The following ME1 variants were observed in gnomAD, a reference collection of about 807,000 sequenced individuals.
ME1 encodes malic enzyme 1, also known as NADP-dependent malic enzyme.
Under a neutral mutation model 66.4 loss-of-function variants are expected in ME1, and 74 were observed. The ratio of observed to expected loss-of-function variants is 1.11; its 90% CI spans 0.92 to 1.35. The LOEUF (loss-of-function observed/expected upper bound fraction) is 1.35. Ranked by LOEUF, ME1 falls within the 40% of genes most tolerant of loss-of-function variation. ME1 has a pLI of 0.00. For synonymous variants in ME1, 251 were observed against 235.6 expected (o/e 1.07, Z -0.60); for missense variants, 750 against 694.1 (o/e 1.08, Z -0.90).
At chr6:83,288,195 T>C (rs996050456) in intron 6 of ME1, among the ~76,000 whole-genome samples, 3 of 152,184 alleles carry the variant, frequency 2.0e-5, no homozygotes, top group African/African-American at 4.8e-5. Flanking sequence ...TTTGTTACCA[T>C]TGCTTTTGGT....
At chr6:83,294,782 A>G (rs939815546) in intron 6 of ME1, among the ~76,000 whole-genome samples, 2 of 152,078 alleles carry the variant, frequency 1.3e-5, no homozygotes, top group African/African-American at 4.8e-5. Context: ...CTGCTCCTCA[A>G]TAGGCAGTGC....
intron 6 of ME1, among the ~76,000 whole-genome samples, chr6:83,301,007 G>A (rs557539879): frequency 3.3e-5 from 5 of 152,042 alleles, no homozygotes; most frequent in Non-Finnish European, 4.4e-5. Flanking sequence ...AAGAACACTT[G>A]GACACAGGAA....
At chr6:83,253,769 G>GC in intron 6 of ME1, 31 bp from the exon 7 acceptor site, 1 of 1,089,798 alleles carries the variant, frequency 9.2e-7, no homozygotes, top group Non-Finnish European at 1.4e-6. Flanking sequence ...TATTAGAAGA[G>GC]GTTAATAAAA....
intron 5 of ME1, among the ~76,000 whole-genome samples, chr6:83,329,552 C>T (rs1562482769): frequency 6.6e-6 from 1 of 152,054 alleles, no homozygotes; most frequent in Non-Finnish European, 1.5e-5. Context: ...ATGAAATATA[C>T]ATATAAATAT....
intron 5 of ME1, among the ~76,000 whole-genome samples, chr6:83,344,315 T>G (rs1273524688): frequency 6.6e-6 from 1 of 151,196 alleles, no homozygotes; most frequent in African/African-American, 2.4e-5. Flanking sequence ...AGCCAAATTC[T>G]AACATTTTTG....
chr6:83,381,399 T>TC, intron 3 of ME1, among the ~76,000 whole-genome samples: 1 of 118,240 alleles, frequency 8.5e-6, no homozygotes, highest in East Asian at 2.5e-4. Context: ...TAAGAAATTC[T>TC]TTTTTTTTTT....
rs766921530 is a variant in ME1 at position 83,227,447 on chromosome 6, T to A, written c.1163A>T (p.Glu388Val). Residue 388 changes from glutamate (E) to valine (V), a missense_variant, in exon 11 of 14, where the codon GAA becomes GTA. Coordinates refer to ENST00000369705, the MANE Select transcript of ME1 (RefSeq NM_002395.6). ...GGCAGCCATATCTTTGAGAATTTGTTCTGAGAATGCACCACCAATTGCAGC... is the reference window on the plus strand; with the variant it reads ...GGCAGCCATATCTTTGAGAATTTGTACTGAGAATGCACCACCAATTGCAGC... The part of the protein sequence containing the change: ...GVAAIGGAFS[E>V]QILKDMAAFN... The A allele has an allele frequency of 6.2e-7, 1 of 1,603,930 alleles. No homozygotes were observed. The highest frequency in any genetic ancestry group is 8.5e-7 in the Non-Finnish European group (1 of 1,173,576).
chr6:83,381,439 A>C (rs1443663576), intron 3 of ME1, among the ~76,000 whole-genome samples: 1 of 149,660 alleles, frequency 6.7e-6, no homozygotes, highest in East Asian at 2.0e-4. Flanking sequence ...TCTGTTGCCC[A>C]GGCTGGAGTG....
intron 6 of ME1, among the ~76,000 whole-genome samples, chr6:83,296,821 T>C (rs1398952190): frequency 6.6e-6 from 1 of 152,214 alleles, no homozygotes; most frequent in Non-Finnish European, 1.5e-5. Flanking sequence ...CAGCCAAGTT[T>C]CAGGATACAA....
chr6:83,407,748 C>A lies in ME1; in HGVS notation c.212+20G>T. 1.9e-6 allele frequency: 3 copies of A among 1,541,138 alleles called. No individual in the cohort carries two copies. The highest frequency in any genetic ancestry group is 1.3e-5 in the South Asian group (1 of 78,452). ...AACTGCATAAGAGAAATATAAAAAC[C>A]ACCTTCAGCAATGTGTTACCTGTCA... On this transcript the variant is annotated intron_variant, in intron 2 of 13. Transcript: ENST00000369705.
At chr6:83,316,854 A>C (rs1196223381) in intron 5 of ME1, among the ~76,000 whole-genome samples, 1 of 152,114 alleles carries the variant, frequency 6.6e-6, no homozygotes, top group Non-Finnish European at 1.5e-5. Flanking sequence ...TCATAAGGAC[A>C]TATTTAAGAA....
At chr6:83,295,468 T>G (rs1457555857) in intron 6 of ME1, among the ~76,000 whole-genome samples, 2 of 152,200 alleles carry the variant, frequency 1.3e-5, no homozygotes, top group Admixed American at 1.3e-4. Flanking sequence ...GGAATGAAGA[T>G]CATTGAAAGT....
intron 4 of ME1, among the ~76,000 whole-genome samples, chr6:83,350,971 C>CAAAAAAAAA (rs34259968): frequency 9.0e-5 from 5 of 55,782 alleles, no homozygotes; most frequent in Non-Finnish European, 1.0e-4. Flanking sequence ...GTGGAGAAAG[C>CAAAAAAAAA]AAAAAAAAAA....
intron 2 of ME1, among the ~76,000 whole-genome samples, chr6:83,398,928 C>T (rs1769793018): frequency 6.6e-6 from 1 of 152,026 alleles, no homozygotes; most frequent in East Asian, 1.9e-4. Context: ...ATGGTGAAAC[C>T]CCATCTCCTG....
At chr6:83,224,152 CA>C (rs1318536877) in intron 11 of ME1, among the ~76,000 whole-genome samples, 2 of 152,092 alleles carry the variant, frequency 1.3e-5, no homozygotes, top group African/African-American at 4.8e-5. Context: ...TCTTTACTTC[CA>C]GGAGGAGCAT....
chr6:83,300,610 C>CTTTTTTTTTTTTTT lies in ME1; in HGVS notation c.704+14686_704+14699dup, dbSNP rs35205380. 3.4e-3 allele frequency among the ~76,000 whole-genome samples: 292 copies of CTTTTTTTTTTTTTT among 84,912 alleles called. 2 individuals are homozygous for CTTTTTTTTTTTTTT. Among genetic ancestry groups the CTTTTTTTTTTTTTT allele is most frequent in the Middle Eastern group, 0.011 (1 of 92 alleles). The allele number at this position is 84,912 out of a possible 152,430, so 55.7% of individuals were successfully genotyped here. On this transcript the variant is annotated intron_variant, in intron 6 of 13. Transcript: ENST00000369705. ...TTCTTTTATTTTCCTTTCTTTCTTT[C>CTTTTTTTTTTTTTT]TTTTTTTTTTTTTTTTTTTTTTTGA...
intron 6 of ME1, among the ~76,000 whole-genome samples, chr6:83,303,780 A>T (rs1156427874): frequency 1.3e-5 from 2 of 152,164 alleles, no homozygotes; most frequent in Non-Finnish European, 2.9e-5. Context: ...ATAAAAGTAG[A>T]AATCTTTATA....
chr6:83,391,488 T>G (rs1000136392), intron 3 of ME1, among the ~76,000 whole-genome samples: 2 of 152,078 alleles, frequency 1.3e-5, no homozygotes, highest in Admixed American at 6.6e-5. Context: ...CTAACAAGGG[T>G]CCCTGATTCT....
At chr6:83,405,530 T>C (rs865812814) in intron 2 of ME1, among the ~76,000 whole-genome samples, 3 of 152,252 alleles carry the variant, frequency 2.0e-5, no homozygotes, top group Middle Eastern at 6.8e-3. Context: ...AGCCAGAACT[T>C]CCAATACCAT....
Sources: gnomAD v4.1 joint callset for allele counts (sites outside exome capture counted in the v4.1 genomes callset) on GRCh38, gnomAD v4.1.1 for gene constraint, MANE v1.5 for transcripts, NCBI Gene and HGNC (gene_info 2026-07-23, HGNC 2026-07-21) for gene names.